Variants in SRF observed in about 807,000 individuals in gnomAD.
SRF encodes serum response factor.
In SRF, 7 loss-of-function variants were observed where a neutral mutation model predicts 37.1. That is an observed-to-expected ratio of 0.19 (90% CI 0.11 to 0.35). SRF has a LOEUF of 0.35. SRF is among the 10% of genes least tolerant of loss of function. SRF has a pLI of 1.00. For synonymous variants in SRF, 285 were observed against 310.1 expected (o/e 0.92, Z 0.85); for missense variants, 395 against 694.4 (o/e 0.57, Z 4.85).
rs1179636367 is a variant in SRF, at chr6:43,179,165, C to G, written c.1502C>G (p.Thr501Ser). 1 of 1,614,156 alleles carries G rather than the reference C, an allele frequency of 6.2e-7. No homozygotes were observed. Among genetic ancestry groups the G allele is most frequent in the Admixed American group, 1.7e-5 (1 of 60,016 alleles). ...LTELQVVNLD[T>S]AHSTKSE is the part of the protein sequence containing the mutation. ...GAGCTACAGGTGGTGAACCTGGACA[C>G]CGCCCACAGCACCAAGAGTGAATGA... The change falls in exon 7 of 7, where the codon ACC becomes AGC. Residue 501 changes from threonine to serine, a missense_variant. Thr to Ser is a moderately conservative substitution (Grantham distance 58, BLOSUM62 1). Transcript: ENST00000265354. This position sits in a 1 kb window ranked among gnomAD's most constrained non-coding sequence, Gnocchi z 5.3.
In SRF at chr6:43,176,878, T is replaced by C. The variant is rs1040062835; in HGVS notation, c.1162+211T>C. On this transcript the variant is annotated intron_variant, in intron 4 of 6. Transcript: ENST00000265354. This position sits in a 1 kb window ranked among gnomAD's most constrained non-coding sequence, Gnocchi z 4.0. ...GTGGGCTGCGGATTCCAGAAGAAAA[T>C]TGGGGACCATTGACCTACCTCCTCA... is the stretch of plus-strand genomic sequence containing the variant. Among the ~76,000 whole-genome samples the C allele has an allele frequency of 3.3e-5, 5 of 151,994 alleles. No individual in the cohort carries two copies. The highest frequency in any genetic ancestry group is 1.3e-4 in the Admixed American group (2 of 15,260).
chr6:43,179,213 T>C lies in SRF; in HGVS notation c.*23T>C. 6.2e-7 allele frequency: 1 copy of C among 1,613,014 alleles called. No individual in the cohort carries two copies. Among genetic ancestry groups the C allele is most frequent in the Non-Finnish European group, 8.5e-7 (1 of 1,179,016 alleles). On this transcript the variant is annotated 3_prime_UTR_variant, in exon 7 of 7. Coordinates refer to ENST00000265354, the MANE Select transcript of SRF (RefSeq NM_003131.4). The surrounding 1 kb of genome is among the most constrained non-coding windows in gnomAD (Gnocchi z 5.3). ...TGATCCGCCCGCCGCCCTGGACAGA[T>C]GGCCCAAGGGATGGCACCACTTATT...
At chr6:43,174,666 G>A (rs3805928) in intron 2 of SRF, among the ~76,000 whole-genome samples, 1 of 152,194 alleles carries the variant, frequency 6.6e-6, no homozygotes, top group East Asian at 1.9e-4. Context: ...GAGAGGGGGT[G>A]GGGCTTCCTC....
chr6:43,174,242 A>G, intron 2 of SRF, 129 bp downstream of exon 2: 1 of 1,222,568 alleles, frequency 8.2e-7, no homozygotes, highest in South Asian at 1.5e-5. Flanking sequence ...GTCCTAGGGG[A>G]CAGGTGTCCA....
In SRF at chr6:43,171,683, G is replaced by A; in HGVS notation, c.27G>A (p.Ala9=). The stretch of plus-strand genomic sequence containing the variant: ...TGTTACCGACCCAAGCTGGGGCCGC[G>A]GCGGCTCTGGGCCGGGGCTCGGCCC... The part of the protein sequence containing the change: MLPTQAGA[A]AALGRGSALG... Residue 9 remains alanine (A), a synonymous_variant, in exon 1 of 7, where the codon GCG becomes GCA. Coordinates refer to ENST00000265354, the MANE Select transcript of SRF (RefSeq NM_003131.4). This position sits in a 1 kb window ranked among gnomAD's most constrained non-coding sequence, Gnocchi z 6.5. The A allele has an allele frequency of 8.2e-7, 1 of 1,212,296 alleles. No homozygotes were observed. Among genetic ancestry groups the A allele is most frequent in the Non-Finnish European group, 1.0e-6 (1 of 973,726 alleles). The allele number at this position is 1,212,296 out of a possible 1,614,324, so 75.1% of individuals were successfully genotyped here. A position where few individuals can be genotyped will look rare whatever the true frequency, so the allele number is the denominator to read the frequency against.
rs150385837 is a variant in SRF at position 43,174,232 on chromosome 6, G to A, written c.780+119G>A. ...GAGTGGAGCCGGATTAACGACCCTC[G>A]TCCTAGGGGACAGGTGTCCATCCTC... On this transcript the variant is annotated intron_variant, in intron 2 of 6. Transcript: ENST00000265354. The A allele has an allele frequency of 3.3e-4, 434 of 1,303,236 alleles. 1 individual carries two copies. The African/African-American group carries it at 5.9e-3, about 18-fold the overall frequency. 80.7% of individuals were successfully genotyped at this position (1,303,236 alleles called of 1,614,324 possible).
Position 43,178,675 on chromosome 6 carries a change from A to G in SRF, c.1355-131A>G. 1 of 1,238,732 alleles carries G rather than the reference A, an allele frequency of 8.1e-7. No individual in the cohort carries two copies. Among genetic ancestry groups the G allele is most frequent in the Non-Finnish European group, 1.2e-6 (1 of 854,384 alleles). 76.7% of individuals were successfully genotyped at this position (1,238,732 alleles called of 1,614,324 possible). A position where few individuals can be genotyped will look rare whatever the true frequency, so the allele number is the denominator to read the frequency against. On this transcript the variant is annotated intron_variant, in intron 5 of 6. Coordinates refer to ENST00000265354, the MANE Select transcript of SRF (RefSeq NM_003131.4). This position sits in a 1 kb window ranked among gnomAD's most constrained non-coding sequence, Gnocchi z 4.3. ...CTCACACCCGCATGCACCCTCAGAC[A>G]CACTGGCACCCTTTCCCTTGGGCTC...
rs200924365 is a variant in SRF, at chr6:43,175,912, C to T, written c.987C>T (p.Gly329=). 10 of 1,614,042 alleles carry T rather than the reference C, an allele frequency of 6.2e-6. No individual in the cohort carries two copies. In the African/African-American group the frequency reaches 1.1e-4, roughly 17 times the overall value. The change falls in exon 3 of 7, where the codon GGC becomes GGT. Residue 329 remains glycine (G), a synonymous_variant. Transcript: ENST00000265354. ...CTGTGCTGAAGAGTACAGGCAGCGG[C>T]CCTGTCTCCTCTGGGGGCCTTATGC... ...NGTVLKSTGS[G]PVSSGGLMQL...
chr6:43,177,447 G>A (rs1283658167), intron 4 of SRF, among the ~76,000 whole-genome samples: 1 of 151,010 alleles, frequency 6.6e-6, no homozygotes, highest in Non-Finnish European at 1.5e-5. Context: ...AGCCAGGATG[G>A]TCTCGATCTC....
chr6:43,179,671 A>AG lies in SRF; in HGVS notation c.*482dup, dbSNP rs1430399186. 1 of 181,788 alleles carries AG rather than the reference A, an allele frequency of 5.5e-6. No homozygotes were observed. The highest frequency in any genetic ancestry group is 1.2e-5 in the Non-Finnish European group (1 of 84,356). The allele number at this position is 181,788 out of a possible 1,614,324, so 11.3% of individuals were successfully genotyped here. A position where few individuals can be genotyped will look rare whatever the true frequency, so the allele number is the denominator to read the frequency against. On this transcript the variant is annotated 3_prime_UTR_variant, in exon 7 of 7. Transcript: ENST00000265354. This position sits in a 1 kb window ranked among gnomAD's most constrained non-coding sequence, Gnocchi z 5.3. ...CCCTGGCTCTGCCCCTCAGGGGGCCAGCTGGGGAGATGGGGGCTTCTTCCT... is the reference window on the plus strand; with the variant it reads ...CCCTGGCTCTGCCCCTCAGGGGGCCAGGCTGGGGAGATGGGGGCTTCTTCCT...
In SRF at chr6:43,176,541, C is replaced by T. The variant is rs370229566; in HGVS notation, c.1043-7C>T. The T allele has an allele frequency of 6.2e-6, 10 of 1,614,044 alleles. No individual in the cohort carries two copies. Among genetic ancestry groups the T allele is most frequent in the East Asian group, 4.5e-5 (2 of 44,886 alleles). ...ACAGAGCACAAATAAGACTCTGTGT[C>T]TTGCAGGTGGGGCAGTGGCCCAGCA... On this transcript the variant is annotated splice_region_variant and splice_polypyrimidine_tract_variant and intron_variant, in intron 3 of 6. Transcript: ENST00000265354. This position sits in a 1 kb window ranked among gnomAD's most constrained non-coding sequence, Gnocchi z 4.0.
Position 43,173,299 on chromosome 6 carries a change from A to G in SRF, c.514-548A>G, listed in dbSNP as rs111903566. Among the ~76,000 whole-genome samples, 4 of 152,324 alleles carry G rather than the reference A, an allele frequency of 2.6e-5. No homozygotes were observed. The highest frequency in any genetic ancestry group is 9.6e-5 in the African/African-American group (4 of 41,570). ...AAGGAAAACTCTCTTCTCTCCTTCCATAACCTTCTTCCCAAGACAAAGGAG... is the reference window on the plus strand; with the variant it reads ...AAGGAAAACTCTCTTCTCTCCTTCCGTAACCTTCTTCCCAAGACAAAGGAG... On this transcript the variant is annotated intron_variant, in intron 1 of 6. Transcript: ENST00000265354. This position sits in a 1 kb window ranked among gnomAD's most constrained non-coding sequence, Gnocchi z 4.2.
In SRF at chr6:43,176,032, G is replaced by A; in HGVS notation, c.1042+65G>A. ...GGCAAATCAAGCATGCTAAGAGTGT[G>A]TTTAGGGCTGGCACCAAGAGAACCT... On this transcript the variant is annotated intron_variant, in intron 3 of 6. Transcript: ENST00000265354. This position sits in a 1 kb window ranked among gnomAD's most constrained non-coding sequence, Gnocchi z 4.0. 1 of 1,569,946 alleles carries A rather than the reference G, an allele frequency of 6.4e-7. No homozygotes were observed. Among genetic ancestry groups the A allele is most frequent in the African/African-American group, 1.3e-5 (1 of 74,310 alleles).
chr6:43,178,191 T>A lies in SRF; in HGVS notation c.1163-103T>A. 8.0e-7 allele frequency: 1 copy of A among 1,242,806 alleles called. No individual in the cohort carries two copies. The highest frequency in any genetic ancestry group is 1.1e-6 in the Non-Finnish European group (1 of 919,362). The allele number at this position is 1,242,806 out of a possible 1,614,324, so 77.0% of individuals were successfully genotyped here. ...GAATAGTCGTGTCTAGCTTCTGACC[T>A]GGGAAATGGCAAGAGGGCTCTGGGG... On this transcript the variant is annotated intron_variant, in intron 4 of 6. Coordinates refer to ENST00000265354, the MANE Select transcript of SRF (RefSeq NM_003131.4). The surrounding 1 kb of genome is among the most constrained non-coding windows in gnomAD (Gnocchi z 4.3).
chr6:43,178,585 A>G lies in SRF; in HGVS notation c.1354+100A>G. ...CACATATGCACTGATGCCTACAAATATTTCTACCCAAATACAACACAGACT... is the reference window on the plus strand; with the variant it reads ...CACATATGCACTGATGCCTACAAATGTTTCTACCCAAATACAACACAGACT... On this transcript the variant is annotated intron_variant, in intron 5 of 6. Coordinates refer to ENST00000265354, the MANE Select transcript of SRF (RefSeq NM_003131.4). The surrounding 1 kb of genome is among the most constrained non-coding windows in gnomAD (Gnocchi z 4.3). 7.7e-6 allele frequency: 11 copies of G among 1,435,732 alleles called. No individual in the cohort carries two copies. Among genetic ancestry groups the G allele is most frequent in the Non-Finnish European group, 1.0e-5 (11 of 1,048,240 alleles). The allele number at this position is 1,435,732 out of a possible 1,614,324, so 88.9% of individuals were successfully genotyped here. A position where few individuals can be genotyped will look rare whatever the true frequency, so the allele number is the denominator to read the frequency against.
In SRF at chr6:43,173,487, C is replaced by G. The variant is rs1444819148; in HGVS notation, c.514-360C>G. On this transcript the variant is annotated intron_variant, in intron 1 of 6. Coordinates refer to ENST00000265354, the MANE Select transcript of SRF (RefSeq NM_003131.4). This position sits in a 1 kb window ranked among gnomAD's most constrained non-coding sequence, Gnocchi z 4.2. ...CCAGTGTGATAGGTAGGGATCCATC[C>G]TGGTCCCTGTGACAGTGAGAAGGGG... Among the ~76,000 whole-genome samples the G allele has an allele frequency of 6.6e-6, 1 of 152,168 alleles. No homozygotes were observed. The highest frequency in any genetic ancestry group is 6.6e-5 in the Admixed American group (1 of 15,260).
At position 43,176,099 on chromosome 6, in the gene SRF, G is replaced by A; in HGVS notation, c.1042+132G>A. 1.6e-6 allele frequency: 2 copies of A among 1,289,950 alleles called. No homozygotes were observed. Among genetic ancestry groups the A allele is most frequent in the African/African-American group, 1.5e-5 (1 of 67,514 alleles). The allele number at this position is 1,289,950 out of a possible 1,614,324, so 79.9% of individuals were successfully genotyped here. On this transcript the variant is annotated intron_variant, in intron 3 of 6. Transcript: ENST00000265354. This position sits in a 1 kb window ranked among gnomAD's most constrained non-coding sequence, Gnocchi z 4.0. The stretch of plus-strand genomic sequence containing the variant: ...GGAAGGTGAATAGGGGCCAGAGCCT[G>A]AGCGAAGCCTCTTATATCCCGTTGG...
chr6:43,171,959 C>T lies in SRF; in HGVS notation c.303C>T (p.Ser101=). The T allele has an allele frequency of 6.6e-7, 1 of 1,518,584 alleles. No homozygotes were observed. Among genetic ancestry groups the T allele is most frequent in the East Asian group, 2.5e-5 (1 of 39,508 alleles). 94.1% of individuals were successfully genotyped at this position (1,518,584 alleles called of 1,614,324 possible). A position where few individuals can be genotyped will look rare whatever the true frequency, so the allele number is the denominator to read the frequency against. ...CCGAGCGGCGCGGCCTGAAGCGGAG[C>T]CTGAGCGAGATGGAGATCGGTATGG... ...LGAERRGLKR[S]LSEMEIGMVV... The change falls in exon 1 of 7, where the codon AGC becomes AGT. Residue 101 remains serine, a synonymous_variant. Transcript: ENST00000265354. This position sits in a 1 kb window ranked among gnomAD's most constrained non-coding sequence, Gnocchi z 6.5.
chr6:43,176,409 G>T lies in SRF; in HGVS notation c.1043-139G>T. The T allele has an allele frequency of 1.5e-6, 2 of 1,353,350 alleles. No homozygotes were observed. The highest frequency in any genetic ancestry group is 2.7e-5 in the South Asian group (2 of 75,186). 83.8% of individuals were successfully genotyped at this position (1,353,350 alleles called of 1,614,324 possible). ...CAGAGTGGATACTTGGGCCTGAAGG[G>T]CCTCTTTGGCTTCCAGGAAAGATAG... On this transcript the variant is annotated intron_variant, in intron 3 of 6. Transcript: ENST00000265354. The surrounding 1 kb of genome is among the most constrained non-coding windows in gnomAD (Gnocchi z 4.0).
Sources: allele counts gnomAD v4.1 joint callset (sites outside exome capture counted in the v4.1 genomes callset), GRCh38; gene constraint gnomAD v4.1.1; non-coding constraint Gnocchi (gnomAD v3.1); transcripts MANE v1.5; gene names NCBI Gene and HGNC (gene_info 2026-07-23, HGNC 2026-07-21).